Variants in PACRG observed in about 807,000 individuals in gnomAD.
The protein encoded by PACRG is parkin coregulated, also known as parkin coregulated gene protein.
A neutral mutation model predicts 29.7 loss-of-function variants in PACRG; 29 were observed. The observed-to-expected ratio is 0.98, with a 90% CI of 0.73 to 1.33. PACRG has a LOEUF of 1.33. PACRG is among the 40% of genes most tolerant of loss of function. The pLI, the probability that PACRG is intolerant of heterozygous loss-of-function variation, is 0.00. For synonymous variants in PACRG, 116 were observed against 118.7 expected (o/e 0.98, Z 0.15); for missense variants, 279 against 316.2 (o/e 0.88, Z 0.89).
At chr6:162,897,540 C>T (rs968227200) in intron 2 of PACRG, among the ~76,000 whole-genome samples, 7 of 152,072 alleles carry the variant, frequency 4.6e-5, no homozygotes, top group African/African-American at 1.4e-4. Context: ...AATGTGTATA[C>T]GTAAGAAAAG....
At chr6:162,861,610 G>C (rs1281605443) in intron 2 of PACRG, among the ~76,000 whole-genome samples, 1 of 152,132 alleles carries the variant, frequency 6.6e-6, no homozygotes, top group East Asian at 1.9e-4. Flanking sequence ...GCACCACAGA[G>C]GGAACGTGGA....
At chr6:163,128,813 T>G (rs952794541) in intron 4 of PACRG, among the ~76,000 whole-genome samples, 3 of 152,342 alleles carry the variant, frequency 2.0e-5, no homozygotes, top group Middle Eastern at 3.4e-3. Flanking sequence ...TACCGCTCAG[T>G]AAGCTATTTT....
chr6:162,930,917 G>A (rs1023474640), intron 2 of PACRG, among the ~76,000 whole-genome samples: 4 of 151,786 alleles, frequency 2.6e-5, no homozygotes, highest in African/African-American at 7.2e-5. Context: ...GCATCCCTGG[G>A]ATGCATGCCA....
chr6:163,006,738 T>G (rs1805155724), intron 2 of PACRG, among the ~76,000 whole-genome samples: 2 of 152,030 alleles, frequency 1.3e-5, no homozygotes, highest in East Asian at 1.9e-4. Context: ...AACTACTTTG[T>G]TGACATTAAT....
chr6:162,977,714 G>T (rs1466529422), intron 2 of PACRG, among the ~76,000 whole-genome samples: 1 of 151,956 alleles, frequency 6.6e-6, no homozygotes, highest in African/African-American at 2.4e-5. Context: ...ACTGCAGTTG[G>T]GAATATGAAG....
intron 4 of PACRG, among the ~76,000 whole-genome samples, chr6:163,248,529 C>T (rs1006790787): frequency 2.6e-5 from 4 of 152,058 alleles, no homozygotes; most frequent in Non-Finnish European, 4.4e-5. Flanking sequence ...CACACTATTC[C>T]GAGAAGCAGA....
intron 2 of PACRG, among the ~76,000 whole-genome samples, chr6:163,020,702 CT>C (rs528397741): frequency 2.0e-5 from 3 of 151,912 alleles, no homozygotes; most frequent in African/African-American, 7.3e-5. Context: ...CCGAGAAAAT[CT>C]TTTTTTTCCT....
intron 2 of PACRG, among the ~76,000 whole-genome samples, chr6:162,864,856 C>T (rs1792161648): frequency 1.3e-5 from 2 of 152,160 alleles, no homozygotes; most frequent in Admixed American, 6.5e-5. Context: ...GAGCAAGTTT[C>T]ATATACTATT....
intron 4 of PACRG, among the ~76,000 whole-genome samples, chr6:163,105,136 AT>A (rs1205580310): frequency 4.6e-5 from 7 of 152,162 alleles, no homozygotes; most frequent in Non-Finnish European, 7.4e-5. Context: ...TTAAAAAAAA[AT>A]AATTCATTGC....
intron 4 of PACRG, among the ~76,000 whole-genome samples, chr6:163,106,813 G>A (rs1163519971): frequency 2.0e-5 from 3 of 152,184 alleles, no homozygotes; most frequent in Non-Finnish European, 4.4e-5. Context: ...GACCATTTGT[G>A]CACGGAAGTC....
At chr6:162,911,844 G>A (rs775609791) in intron 2 of PACRG, among the ~76,000 whole-genome samples, 2 of 152,178 alleles carry the variant, frequency 1.3e-5, no homozygotes, top group Non-Finnish European at 1.5e-5. Flanking sequence ...AAGGATGATA[G>A]GAGGGAAAGA....
intron 2 of PACRG, among the ~76,000 whole-genome samples, chr6:162,824,734 A>G (rs1788135651): frequency 6.6e-6 from 1 of 152,208 alleles, no homozygotes; most frequent in South Asian, 2.1e-4. Context: ...TGGGAAAGAC[A>G]TGGTGCTGAG....
intron 2 of PACRG, among the ~76,000 whole-genome samples, chr6:162,952,852 T>C (rs1799752445): frequency 6.6e-6 from 1 of 152,222 alleles, no homozygotes; most frequent in African/African-American, 2.4e-5. Flanking sequence ...TTTTCTTCTC[T>C]TGGGCTACCT....
At chr6:162,971,262 G>C (rs1801505877) in intron 2 of PACRG, among the ~76,000 whole-genome samples, 1 of 152,162 alleles carries the variant, frequency 6.6e-6, no homozygotes, top group Admixed American at 6.5e-5. Context: ...GTGGAGCCTT[G>C]TGTCATTTTC....
intron 2 of PACRG, among the ~76,000 whole-genome samples, chr6:162,996,429 T>C (rs1394762954): frequency 6.6e-6 from 1 of 152,078 alleles, no homozygotes; most frequent in African/African-American, 2.4e-5. Context: ...ATATAGAAAA[T>C]TCGTTTGTGC....
chr6:162,765,023 C>T (rs1358908611), intron 1 of PACRG, among the ~76,000 whole-genome samples: 3 of 152,042 alleles, frequency 2.0e-5, no homozygotes, highest in African/African-American at 4.8e-5. Context: ...GGATTACAGG[C>T]GTGAGCCACC....
At chr6:162,944,633 A>G (rs1217539396) in intron 2 of PACRG, among the ~76,000 whole-genome samples, 3 of 152,204 alleles carry the variant, frequency 2.0e-5, no homozygotes, top group African/African-American at 7.2e-5. Flanking sequence ...TATTATAAAA[A>G]GCATCAAACA....
intron 2 of PACRG, among the ~76,000 whole-genome samples, chr6:162,992,436 C>T (rs199884169): frequency 0.02 from 2,979 of 148,528 alleles, 93 homozygotes; most frequent in African/African-American, 0.063. Flanking sequence ...TTGGTCTATT[C>T]AGAGATTCAA....
chr6:162,765,523 A>G (rs1311528609), intron 1 of PACRG, among the ~76,000 whole-genome samples: 3 of 152,144 alleles, frequency 2.0e-5, no homozygotes, highest in Non-Finnish European at 4.4e-5. Context: ...CCATGTGGGA[A>G]CATGGAAAAG....
Sources: gnomAD v4.1 joint callset for allele counts (sites outside exome capture counted in the v4.1 genomes callset) on GRCh38, gnomAD v4.1.1 for gene constraint, MANE v1.5 for transcripts, NCBI Gene and HGNC (gene_info 2026-07-23, HGNC 2026-07-21) for gene names.